The following PXDNL variants were observed in gnomAD, a reference collection of about 807,000 sequenced individuals.
PXDNL encodes the protein probable oxidoreductase PXDNL.
Under a neutral mutation model 150.8 loss-of-function variants are expected in PXDNL, and 145 were observed. That is an observed-to-expected ratio of 0.96 (90% CI 0.84 to 1.10). PXDNL has a LOEUF of 1.10. PXDNL is among the 50% of genes least tolerant of loss of function. The probability of loss-of-function intolerance (pLI) is 0.00; values close to 1 mark genes in which losing one functional copy is unlikely to be tolerated. For missense variants in PXDNL, 2,087 were observed against 1,873.9 expected (o/e 1.11, Z -2.10); for synonymous variants, 757 against 725.7 (o/e 1.04, Z -0.69).
At chr8:51,502,077 A>G (rs1321604864) in intron 4 of PXDNL, among the ~76,000 whole-genome samples, 1 of 152,210 alleles carries the variant, frequency 6.6e-6, no homozygotes, top group Non-Finnish European at 1.5e-5. Flanking sequence ...AGTAAATAAG[A>G]GCAACAGCAA....
chr8:51,697,282 C>A (rs1427780264), intron 1 of PXDNL, among the ~76,000 whole-genome samples: 1 of 130,130 alleles, frequency 7.7e-6, no homozygotes, highest in African/African-American at 3.0e-5. Context: ...CCAGCCTGGG[C>A]GACAGAGCAA....
rs553268264 is a variant in PXDNL, at chr8:51,733,731, C to T, written c.164+75450G>A. On this transcript the variant is annotated intron_variant, in intron 1 of 22. Coordinates refer to ENST00000356297, the MANE Select transcript of PXDNL (RefSeq NM_144651.5). ...GCTGAGGCAGGAGAATCACTTGAAC[C>T]CAGGAGGTGGAGGTTACGGTGAGCC... Among the ~76,000 whole-genome samples, 32 of 151,272 alleles carry T rather than the reference C, an allele frequency of 2.1e-4. No homozygotes were observed. In the East Asian group the frequency reaches 6.2e-3, roughly 29 times the overall value.
chr8:51,326,412 C>T (rs112150458), intron 21 of PXDNL, among the ~76,000 whole-genome samples: 6 of 152,128 alleles, frequency 3.9e-5, no homozygotes, highest in Non-Finnish European at 7.3e-5. Flanking sequence ...GCACAAGAAT[C>T]GCTTGAACCT....
At chr8:51,346,862 C>T (rs1381198310) in intron 19 of PXDNL, among the ~76,000 whole-genome samples, 1 of 152,118 alleles carries the variant, frequency 6.6e-6, no homozygotes, top group Non-Finnish European at 1.5e-5. Flanking sequence ...TGAGCCCATT[C>T]AACTGCTTTT....
intron 4 of PXDNL, among the ~76,000 whole-genome samples, chr8:51,512,971 TTATA>T (rs1811455335): frequency 1.3e-5 from 2 of 152,198 alleles, no homozygotes; most frequent in African/African-American, 4.8e-5. Context: ...TCTGTTCCAA[TTATA>T]AGGCAAGGAA....
chr8:51,394,879 C>A (rs1036328673), intron 17 of PXDNL, among the ~76,000 whole-genome samples: 1 of 152,178 alleles, frequency 6.6e-6, no homozygotes, highest in African/African-American at 2.4e-5. Flanking sequence ...TTGTGGAATA[C>A]AAGGTGTATT....
intron 8 of PXDNL, among the ~76,000 whole-genome samples, chr8:51,470,284 A>G (rs1264237795): frequency 6.6e-6 from 1 of 152,112 alleles, no homozygotes; most frequent in African/African-American, 2.4e-5. Flanking sequence ...TATACAAGCT[A>G]TTTTTAACCT....
intron 2 of PXDNL, among the ~76,000 whole-genome samples, chr8:51,607,886 AAGGAAGGAAGGT>A (rs1327863645): frequency 1.7e-5 from 2 of 120,514 alleles, no homozygotes; most frequent in East Asian, 2.7e-4. Flanking sequence ...GGAAGGAAGG[AAGGAAGGAAGGT>A]GGGGAGGGAG....
chr8:51,726,891 T>G (rs905545491), intron 1 of PXDNL, among the ~76,000 whole-genome samples: 1 of 152,234 alleles, frequency 6.6e-6, no homozygotes, highest in African/African-American at 2.4e-5. Context: ...ACTAGATTCT[T>G]AGACCCAGGC....
chr8:51,391,309 A>G (rs1440852205), intron 17 of PXDNL, among the ~76,000 whole-genome samples: 2 of 152,102 alleles, frequency 1.3e-5, no homozygotes, highest in African/African-American at 4.8e-5. Flanking sequence ...TCCCTGAGGA[A>G]TTGCCACACT....
At chr8:51,625,638 C>G (rs1284657776) in intron 2 of PXDNL, among the ~76,000 whole-genome samples, 1 of 152,124 alleles carries the variant, frequency 6.6e-6, no homozygotes, top group Non-Finnish European at 1.5e-5. Flanking sequence ...TTGATCAGAA[C>G]ATGATAGCAC....
At chr8:51,589,417 T>C (rs750637735) in intron 3 of PXDNL, among the ~76,000 whole-genome samples, 3 of 152,150 alleles carry the variant, frequency 2.0e-5, no homozygotes, top group Admixed American at 6.5e-5. Flanking sequence ...TTAAAGGTGA[T>C]TCTGTTAAGG....
chr8:51,390,518 CTT>C (rs1807859375), intron 17 of PXDNL, among the ~76,000 whole-genome samples: 1 of 152,102 alleles, frequency 6.6e-6, no homozygotes, highest in Non-Finnish European at 1.5e-5. Context: ...TCATAAATAT[CTT>C]TATTATAATT....
rs899956493 is a variant in PXDNL, at chr8:51,611,506, T to C, written c.237-18808A>G. On this transcript the variant is annotated intron_variant, in intron 2 of 22. Transcript: ENST00000356297. ...GTGTAATTGACTGTTTTCAAAGTTA[T>C]GTGACAAAGCTTCTGCCTTCAACAA... Among the ~76,000 whole-genome samples, 5 of 152,264 alleles carry C rather than the reference T, an allele frequency of 3.3e-5. No individual in the cohort carries two copies. The East Asian group carries it at 5.8e-4, about 18-fold the overall frequency.
intron 2 of PXDNL, among the ~76,000 whole-genome samples, chr8:51,624,597 A>G (rs988605527): frequency 6.6e-6 from 1 of 150,700 alleles, no homozygotes; most frequent in African/African-American, 2.4e-5. Flanking sequence ...ATAATTACCA[A>G]CATTAAAAAT....
chr8:51,461,943 C>T (rs1810095216), intron 8 of PXDNL, among the ~76,000 whole-genome samples: 3 of 152,182 alleles, frequency 2.0e-5, no homozygotes, highest in Admixed American at 2.0e-4. Context: ...GCACCATCTA[C>T]TCAATTGCAG....
chr8:51,429,112 A>G (rs1481192341), intron 12 of PXDNL, among the ~76,000 whole-genome samples: 2 of 152,220 alleles, frequency 1.3e-5, no homozygotes, highest in Middle Eastern at 3.2e-3. Context: ...GGGACATGCA[A>G]ATTAAAACCA....
intron 5 of PXDNL, among the ~76,000 whole-genome samples, chr8:51,486,786 A>G (rs1563433609): frequency 4.2e-5 from 1 of 23,558 alleles, no homozygotes; most frequent in East Asian, 3.4e-3. Flanking sequence ...ATATATATAT[A>G]TATATATATT....
chr8:51,684,577 G>A (rs986003957), intron 1 of PXDNL, among the ~76,000 whole-genome samples: 2 of 152,198 alleles, frequency 1.3e-5, no homozygotes, highest in Admixed American at 6.5e-5. Context: ...CATGCAAAAG[G>A]AATTTTGGAG....
Sources: allele counts gnomAD v4.1 joint callset (sites outside exome capture counted in the v4.1 genomes callset), GRCh38; gene constraint gnomAD v4.1.1; transcripts MANE v1.5; gene names NCBI Gene and HGNC (gene_info 2026-07-23, HGNC 2026-07-21).